Variants in VCAN observed in about 807,000 individuals in gnomAD.
The protein encoded by VCAN is versican, also known as versican core protein.
A neutral mutation model predicts 245.5 loss-of-function variants in VCAN; 44 were observed. The observed-to-expected ratio is 0.18, with a 90% confidence interval of 0.14 to 0.23. VCAN has a LOEUF of 0.23. VCAN is among the 10% of genes least tolerant of loss of function. The probability of loss-of-function intolerance (pLI) is 1.00; values close to 1 mark genes in which losing one functional copy is unlikely to be tolerated. For missense variants in VCAN, 3,793 were observed against 4,057.9 expected (o/e 0.93, Z 1.77); for synonymous variants, 1,413 against 1,437.0 (o/e 0.98, Z 0.38).
intron 1 of VCAN, among the ~76,000 whole-genome samples, chr5:83,481,917 A>T (rs780734633): frequency 6.6e-6 from 1 of 152,242 alleles, no homozygotes; most frequent in Non-Finnish European, 1.5e-5. Flanking sequence ...TAATTTCAGC[A>T]TTAGCTTGTT....
chr5:83,523,087 T>G (rs766697645), intron 7 of VCAN, among the ~76,000 whole-genome samples: 65 of 152,202 alleles, frequency 4.3e-4, no homozygotes, highest in Non-Finnish European at 7.5e-4. Flanking sequence ...TGCCTTCTAT[T>G]CCACTCAAAT....
At chr5:83,486,724 C>A (rs113725960) in intron 2 of VCAN, among the ~76,000 whole-genome samples, 2 of 152,312 alleles carry the variant, frequency 1.3e-5, no homozygotes, top group African/African-American at 4.8e-5. Flanking sequence ...TGATAGCCAA[C>A]AACATTGAGT....
At position 83,508,958 on chromosome 5, in the gene VCAN, G is replaced by T. The variant is rs75850173; in HGVS notation, c.749-3145G>T. Among the ~76,000 whole-genome samples, 544 of 152,244 alleles carry T rather than the reference G, an allele frequency of 3.6e-3. 9 individuals are homozygous for T. The highest frequency in any genetic ancestry group is 0.03 in the East Asian group (157 of 5,180). ...TGGAGGCAAGGAAGTTGAGGACAGA[G>T]TGTGCTATGATCATGCCTGTGAATA... On this transcript the variant is annotated intron_variant, in intron 5 of 14. Coordinates refer to ENST00000265077, the MANE Select transcript of VCAN (RefSeq NM_004385.5).
At chr5:83,551,170 G>A (rs1345752678) in intron 10 of VCAN, among the ~76,000 whole-genome samples, 1 of 151,910 alleles carries the variant, frequency 6.6e-6, no homozygotes, top group African/African-American at 2.4e-5. Flanking sequence ...GTGATCATCT[G>A]GGTTTTCTTG....
At chr5:83,554,098 A>T (rs1037899229) in intron 11 of VCAN, among the ~76,000 whole-genome samples, 3 of 152,240 alleles carry the variant, frequency 2.0e-5, no homozygotes, top group African/African-American at 7.2e-5. Context: ...GAGCTGTTTA[A>T]TAACTCCTTC....
chr5:83,567,514 C>T (rs1470476816), intron 12 of VCAN, among the ~76,000 whole-genome samples: 3 of 151,998 alleles, frequency 2.0e-5, no homozygotes, highest in Admixed American at 6.6e-5. Flanking sequence ...GTTGGCCAGG[C>T]TGGTCTCGAA....
At chr5:83,506,207 C>T (rs909634616) in intron 5 of VCAN, among the ~76,000 whole-genome samples, 8 of 152,166 alleles carry the variant, frequency 5.3e-5, no homozygotes, top group Admixed American at 5.2e-4. Context: ...CTTGAATTCC[C>T]CCGCAGAAAA....
chr5:83,498,474 A>G (rs1474192499), intron 5 of VCAN, among the ~76,000 whole-genome samples: 1 of 152,088 alleles, frequency 6.6e-6, no homozygotes, highest in Non-Finnish European at 1.5e-5. Context: ...TTGATTTACA[A>G]TTGCTTTCTG....
At chr5:83,496,313 G>T (rs1410317825) in intron 5 of VCAN, among the ~76,000 whole-genome samples, 1 of 152,198 alleles carries the variant, frequency 6.6e-6, no homozygotes, top group Non-Finnish European at 1.5e-5. Context: ...AAGCCAGTTT[G>T]TGTCCCAATG....
chr5:83,551,970 AAAC>A (rs1284486996), intron 10 of VCAN, among the ~76,000 whole-genome samples: 1 of 152,230 alleles, frequency 6.6e-6, no homozygotes, highest in Non-Finnish European at 1.5e-5. Context: ...GGTGATCTCC[AAAC>A]AACACTTTAA....
chr5:83,520,973 T>C lies in VCAN; in HGVS notation c.2667T>C (p.Thr889=). 2 of 1,614,068 alleles carry C rather than the reference T, an allele frequency of 1.2e-6. No individual in the cohort carries two copies. Among genetic ancestry groups the C allele is most frequent in the Non-Finnish European group, 1.7e-6 (2 of 1,179,984 alleles). ...TTAGATTTCAGCCAACTACATCAACTGGTATTGCAGAAAAGTCAACTTTGA... is the reference window on the plus strand; with the variant it reads ...TTAGATTTCAGCCAACTACATCAACCGGTATTGCAGAAAAGTCAACTTTGA... ...FTIRFQPTTS[T]GIAEKSTLRD... The change falls in exon 7 of 15, where the codon ACT becomes ACC. Residue 889 remains threonine (T), a synonymous_variant. Transcript: ENST00000265077.
intron 7 of VCAN, among the ~76,000 whole-genome samples, chr5:83,529,950 A>C (rs964770932): frequency 6.6e-6 from 1 of 152,138 alleles, no homozygotes; most frequent in Admixed American, 6.6e-5. Context: ...AAGCCAAATG[A>C]TCTTAAAATT....
chr5:83,541,045 C>G lies in VCAN; in HGVS notation c.8042C>G (p.Thr2681Arg), dbSNP rs1746961067. ...GGGATCCCTGCTCCTAGCACAGAAA[C>G]AGAATTAGACGTTTTACTTCCCACG... is the stretch of plus-strand genomic sequence containing the variant. ...TTGIPAPSTE[T>R]ELDVLLPTAT... The change falls in exon 8 of 15, where the codon ACA (threonine) becomes AGA (arginine). Residue 2681 changes from threonine to arginine, a missense_variant. Thr to Arg is a moderately conservative substitution (Grantham distance 71, BLOSUM62 -1). Transcript: ENST00000265077. 6.2e-7 allele frequency: 1 copy of G among 1,613,988 alleles called. No homozygotes were observed. Among genetic ancestry groups the G allele is most frequent in the Non-Finnish European group, 8.5e-7 (1 of 1,179,976 alleles).
chr5:83,499,385 G>A (rs143987614), intron 5 of VCAN, among the ~76,000 whole-genome samples: 11 of 152,134 alleles, frequency 7.2e-5, no homozygotes, highest in East Asian at 1.9e-4. Context: ...TTGCAGACAC[G>A]TAATAGTTAT....
intron 5 of VCAN, among the ~76,000 whole-genome samples, chr5:83,494,614 C>G (rs1312981443): frequency 6.6e-6 from 1 of 152,082 alleles, no homozygotes; most frequent in East Asian, 1.9e-4. Context: ...AATTTGAGTT[C>G]AATAGTACCG....
intron 2 of VCAN, 154 bp downstream of exon 2, chr5:83,483,742 AC>A: frequency 2.7e-6 from 2 of 738,792 alleles, no homozygotes; most frequent in South Asian, 3.3e-5. Context: ...TGGACCAAAA[AC>A]ATTAGTTTTA....
At chr5:83,495,015 T>C (rs1040386604) in intron 5 of VCAN, among the ~76,000 whole-genome samples, 5 of 152,116 alleles carry the variant, frequency 3.3e-5, no homozygotes, top group African/African-American at 7.2e-5. Flanking sequence ...TAAAGGCACA[T>C]GGAATAGAAG....
At chr5:83,553,648 G>A (rs902957418) in intron 11 of VCAN, 126 bp downstream of exon 11, 10 of 1,281,856 alleles carry the variant, frequency 7.8e-6, no homozygotes, top group Non-Finnish European at 9.8e-6. Context: ...TCCCTCATCT[G>A]TGAATTACTT....
intron 2 of VCAN, among the ~76,000 whole-genome samples, chr5:83,486,023 A>C (rs1226229227): frequency 1.3e-5 from 2 of 152,010 alleles, no homozygotes; most frequent in African/African-American, 2.4e-5. Flanking sequence ...AACTCCACCT[A>C]CTGGGAGGGC....
Sources: allele counts gnomAD v4.1 joint callset (sites outside exome capture counted in the v4.1 genomes callset), GRCh38; gene constraint gnomAD v4.1.1; transcripts MANE v1.5; gene names NCBI Gene and HGNC (gene_info 2026-07-23, HGNC 2026-07-21).